WNT2: variants seen among roughly 807,000 people sequenced by gnomAD.
WNT2 encodes the protein Wnt family member 2.
WNT2 carries 12 observed loss-of-function variants against 36.9 expected under a neutral mutation model. The ratio of observed to expected loss-of-function variants is 0.33; its 90% CI spans 0.21 to 0.53. The LOEUF (loss-of-function observed/expected upper bound fraction) is 0.53. WNT2 is among the 20% of genes least tolerant of loss of function. The probability of loss-of-function intolerance (pLI) is 0.95; values close to 1 mark genes in which losing one functional copy is unlikely to be tolerated. For missense variants in WNT2, 379 were observed against 473.1 expected (o/e 0.80, Z 1.84); for synonymous variants, 163 against 174.6 (o/e 0.93, Z 0.52).
In WNT2 at chr7:117,277,993, C is replaced by T. The variant is rs972178790; in HGVS notation, c.*162G>A. ...TAGGCTTTAGGTGCAGCGTGTGGCC[C>T]CCCCATCCTGGGGCCCCCAGGGAGG... is the stretch of plus-strand genomic sequence containing the variant. On this transcript the variant is annotated 3_prime_UTR_variant, in exon 5 of 5. Coordinates refer to ENST00000265441, the MANE Select transcript of WNT2 (RefSeq NM_003391.3). The T allele has an allele frequency of 1.1e-4, 76 of 715,220 alleles. No individual in the cohort carries two copies. The highest frequency in any genetic ancestry group is 1.6e-4 in the Non-Finnish European group (70 of 432,726). The allele number at this position is 715,220 out of a possible 1,614,324, so 44.3% of individuals were successfully genotyped here.
chr7:117,291,652 G>A (rs1207121508), intron 4 of WNT2, among the ~76,000 whole-genome samples: 1 of 152,148 alleles, frequency 6.6e-6, no homozygotes, highest in Non-Finnish European at 1.5e-5. Flanking sequence ...AGCTGCATGG[G>A]GCGAGTAATT....
intron 3 of WNT2, among the ~76,000 whole-genome samples, chr7:117,312,582 G>A (rs965393220): frequency 6.6e-6 from 1 of 152,186 alleles, no homozygotes; most frequent in Non-Finnish European, 1.5e-5. Context: ...TTTCCTTCCT[G>A]ATAGAATATT....
At chr7:117,278,850 G>A (rs563268236) in intron 4 of WNT2, among the ~76,000 whole-genome samples, 1 of 152,300 alleles carries the variant, frequency 6.6e-6, no homozygotes, top group South Asian at 2.1e-4. Flanking sequence ...GCCCTCAAAG[G>A]GAGGGAATTT....
At chr7:117,289,013 G>A (rs1432169315) in intron 4 of WNT2, among the ~76,000 whole-genome samples, 2 of 148,676 alleles carry the variant, frequency 1.3e-5, no homozygotes, top group Non-Finnish European at 3.0e-5. Context: ...AGTTAAAAGC[G>A]ATAGATATAG....
In WNT2 at chr7:117,275,928, C is replaced by T. The variant is rs555855275; in HGVS notation, c.*2227G>A. On this transcript the variant is annotated 3_prime_UTR_variant, in exon 5 of 5. Transcript: ENST00000265441. ...GCTACTTACCAGGAGGGATATATCT[C>T]AGCATAAAAAGAATGTCAGATCTAA... Among the ~76,000 whole-genome samples the T allele has an allele frequency of 1.2e-3, 183 of 152,278 alleles. No individual in the cohort carries two copies. The highest frequency in any genetic ancestry group is 2.5e-3 in the South Asian group (12 of 4,826).
At chr7:117,309,873 T>G (rs1420089103) in intron 3 of WNT2, among the ~76,000 whole-genome samples, 1 of 152,204 alleles carries the variant, frequency 6.6e-6, no homozygotes, top group Non-Finnish European at 1.5e-5. Flanking sequence ...AAGCTTTCTA[T>G]ATCAGTACTT....
At chr7:117,312,145 C>T (rs1019913879) in intron 3 of WNT2, among the ~76,000 whole-genome samples, 4 of 152,002 alleles carry the variant, frequency 2.6e-5, no homozygotes, top group African/African-American at 7.2e-5. Context: ...AGTGAACTAA[C>T]TTTTTTGTTT....
At chr7:117,314,025 C>T (rs1367649544) in intron 3 of WNT2, among the ~76,000 whole-genome samples, 1 of 152,138 alleles carries the variant, frequency 6.6e-6, no homozygotes, top group Non-Finnish European at 1.5e-5. Flanking sequence ...ATTATTTTTC[C>T]TATTAAAGCC....
chr7:117,306,371 G>T (rs1271413950), intron 3 of WNT2, among the ~76,000 whole-genome samples: 2 of 152,306 alleles, frequency 1.3e-5, no homozygotes, highest in African/African-American at 4.8e-5. Context: ...TGCTCAAGCT[G>T]TTGCTTTTGA....
chr7:117,279,659 TC>T (rs927450077), intron 4 of WNT2, among the ~76,000 whole-genome samples: 1 of 152,128 alleles, frequency 6.6e-6, no homozygotes, highest in African/African-American at 2.4e-5. Flanking sequence ...CTTCCATTTC[TC>T]CCTGAGGCCT....
intron 2 of WNT2, among the ~76,000 whole-genome samples, chr7:117,320,200 C>T (rs932329192): frequency 6.6e-6 from 1 of 152,204 alleles, no homozygotes; most frequent in Admixed American, 6.5e-5. Context: ...TGCTCAAATT[C>T]TTCTGGAGGA....
At chr7:117,292,211 C>T (rs964969150) in intron 4 of WNT2, among the ~76,000 whole-genome samples, 5 of 152,134 alleles carry the variant, frequency 3.3e-5, no homozygotes, top group African/African-American at 1.2e-4. Context: ...TTGACCTCCC[C>T]TCTTTGTGGG....
chr7:117,285,098 C>T (rs1336992872), intron 4 of WNT2, among the ~76,000 whole-genome samples: 1 of 152,226 alleles, frequency 6.6e-6, no homozygotes, highest in Non-Finnish European at 1.5e-5. Flanking sequence ...GAGTAACGTG[C>T]AAAGATCCTG....
At chr7:117,291,446 A>G (rs561665358) in intron 4 of WNT2, among the ~76,000 whole-genome samples, 4 of 152,300 alleles carry the variant, frequency 2.6e-5, no homozygotes, top group African/African-American at 7.2e-5. Flanking sequence ...AGCATTCCTC[A>G]GTTAGAGATG....
At chr7:117,291,866 C>G (rs993123515) in intron 4 of WNT2, among the ~76,000 whole-genome samples, 11 of 151,388 alleles carry the variant, frequency 7.3e-5, no homozygotes, top group Admixed American at 7.2e-4. Flanking sequence ...CAACCTCCAC[C>G]TCCCAGGTTC....
At chr7:117,289,369 T>G (rs1407783089) in intron 4 of WNT2, among the ~76,000 whole-genome samples, 14 of 152,128 alleles carry the variant, frequency 9.2e-5, no homozygotes, top group Admixed American at 9.2e-4. Flanking sequence ...ACTTGAGACT[T>G]TTTATCTCCA....
At chr7:117,306,357 G>A (rs1795014811) in intron 3 of WNT2, among the ~76,000 whole-genome samples, 1 of 152,200 alleles carries the variant, frequency 6.6e-6, no homozygotes, top group Admixed American at 6.5e-5. Context: ...ATACATTTCT[G>A]CACTGCTCAA....
chr7:117,309,457 A>G (rs1795080913), intron 3 of WNT2, among the ~76,000 whole-genome samples: 1 of 152,142 alleles, frequency 6.6e-6, no homozygotes, highest in Admixed American at 6.5e-5. Flanking sequence ...TCTCCATAGA[A>G]AATACAGGAT....
chr7:117,294,515 C>T (rs542811893), intron 4 of WNT2, among the ~76,000 whole-genome samples: 2 of 148,704 alleles, frequency 1.3e-5, no homozygotes, highest in East Asian at 2.0e-4. Context: ...AGGACATTAA[C>T]TAAGTACAGT....
Sources: gnomAD v4.1 joint callset for allele counts (sites outside exome capture counted in the v4.1 genomes callset) on GRCh38, gnomAD v4.1.1 for gene constraint, MANE v1.5 for transcripts, NCBI Gene and HGNC (gene_info 2026-07-23, HGNC 2026-07-21) for gene names.